Variants in RGS3 observed in about 807,000 individuals in gnomAD.
RGS3 encodes the protein regulator of G protein signaling 3, also known as regulator of G-protein signalling 3.
In RGS3, 80 loss-of-function variants were observed where a neutral mutation model predicts 132.6. That is an observed-to-expected ratio of 0.60 (90% CI 0.50 to 0.73). The LOEUF (loss-of-function observed/expected upper bound fraction) is 0.73. Ranked by LOEUF, RGS3 falls within the 30% of genes least tolerant of loss-of-function variation. The pLI, the probability that RGS3 is intolerant of heterozygous loss-of-function variation, is 0.00. For synonymous variants in RGS3, 598 were observed against 620.6 expected (o/e 0.96, Z 0.54); for missense variants, 1,382 against 1,530.8 (o/e 0.90, Z 1.62).
chr9:113,522,189 T>C (rs1264542546), intron 16 of RGS3: 1 of 152,264 alleles, frequency 6.6e-6, no homozygotes, highest in African/African-American at 2.4e-5. Flanking sequence ...ATAAAAGTGA[T>C]GTCCATGTCT....
chr9:113,528,491 C>G lies in RGS3; in HGVS notation c.1871-730C>G, dbSNP rs74871120. ...TCCTTCAGGAAGCTTTTCCCAGAAG[C>G]TGGGTGTCATCTCCTGGTCCTCCTG... On this transcript the variant is annotated intron_variant, in intron 17 of 24. Coordinates refer to ENST00000350696, the Ensembl canonical transcript of RGS3. 4.4e-3 allele frequency among the ~76,000 whole-genome samples: 677 copies of G among 152,338 alleles called. 25 individuals are homozygous for G. The East Asian group carries it at 0.084, about 19-fold the overall frequency.
chr9:113,477,897 G>C (rs1323797062), intron 3 of RGS3, among the ~76,000 whole-genome samples: 1 of 152,202 alleles, frequency 6.6e-6, no homozygotes, highest in Admixed American at 6.5e-5. Context: ...CCTGCTTTCT[G>C]ATGTCTCCAG....
At chr9:113,562,903 A>G (rs1588254803) in intron 19 of RGS3, among the ~76,000 whole-genome samples, 1 of 152,350 alleles carries the variant, frequency 6.6e-6, no homozygotes, top group Non-Finnish European at 1.5e-5. Flanking sequence ...AAGATCTCCA[A>G]GGGCCCTCTG....
At chr9:113,530,769 C>G (rs1832430939) in intron 18 of RGS3, among the ~76,000 whole-genome samples, 1 of 152,184 alleles carries the variant, frequency 6.6e-6, no homozygotes, top group South Asian at 2.1e-4. Flanking sequence ...GCCAGGTGAT[C>G]TGATCTCCAG....
chr9:113,580,832 G>T, intron 19 of RGS3: 1 of 985,718 alleles, frequency 1.0e-6, no homozygotes. Context: ...CCAAGGGGTG[G>T]GCGGGCTCTG....
In RGS3 at chr9:113,497,720, C is replaced by G. The variant is rs377416222; in HGVS notation, c.842-305C>G. 3.3e-5 allele frequency among the ~76,000 whole-genome samples: 5 copies of G among 152,286 alleles called. No homozygotes were observed. In the East Asian group the frequency reaches 9.6e-4, roughly 29 times the overall value. ...TCCCAGCTCCATGTCTCAGGGATCC[C>G]CCAGGCTGCCTTGCTCATCTTGGGA... On this transcript the variant is annotated intron_variant, in intron 9 of 24. Coordinates refer to ENST00000350696, the Ensembl canonical transcript of RGS3.
Position 113,497,422 on chromosome 9 carries a change from T to G in RGS3, c.841+18T>G. 6.2e-7 allele frequency: 1 copy of G among 1,606,270 alleles called. No individual in the cohort carries two copies. Among genetic ancestry groups the G allele is most frequent in the Non-Finnish European group, 8.5e-7 (1 of 1,175,250 alleles). On this transcript the variant is annotated intron_variant, in intron 9 of 24. Coordinates refer to ENST00000350696, the Ensembl canonical transcript of RGS3. ...GCTGAGAGGTACCTGCACACCCCCT[T>G]CAGCTTCCCTTCCCAGGACCTGCCC...
At chr9:113,533,235 T>TG (rs529182326) in intron 18 of RGS3, among the ~76,000 whole-genome samples, 116 of 149,302 alleles carry the variant, frequency 7.8e-4, no homozygotes, top group African/African-American at 2.7e-3. Context: ...AAAATTCTGT[T>TG]TTTTTTTTTT....
chr9:113,501,799 C>T (rs1432690609), intron 10 of RGS3, among the ~76,000 whole-genome samples: 1 of 152,220 alleles, frequency 6.6e-6, no homozygotes, highest in Non-Finnish European at 1.5e-5. Flanking sequence ...GGACCCAAGG[C>T]CCCTTTAGGG....
intron 4 of RGS3, among the ~76,000 whole-genome samples, chr9:113,480,942 C>T (rs914100200): frequency 1.8e-4 from 27 of 152,244 alleles, no homozygotes; most frequent in African/African-American, 6.0e-4. Context: ...TTGCCGCTGA[C>T]GGTACCCTCC....
chr9:113,596,424 A>T (rs1316662663), intron 24 of RGS3, among the ~76,000 whole-genome samples: 1 of 152,188 alleles, frequency 6.6e-6, no homozygotes, highest in African/African-American at 2.4e-5. Context: ...GCTTTGAGGA[A>T]TGTACTATTA....
intron 4 of RGS3, among the ~76,000 whole-genome samples, chr9:113,480,555 C>T (rs1406054452): frequency 6.6e-6 from 1 of 152,114 alleles, no homozygotes; most frequent in Admixed American, 6.5e-5. Context: ...GAGAAGCACC[C>T]ACCCCTGTCT....
intron 15 of RGS3, among the ~76,000 whole-genome samples, chr9:113,516,462 A>G (rs1831668811): frequency 6.6e-6 from 1 of 151,952 alleles, no homozygotes; most frequent in African/African-American, 2.4e-5. Flanking sequence ...GGTTCAAGCA[A>G]TTCTCCTGCC....
chr9:113,514,612 C>A (rs1831561265), exon 15 of RGS3: 1 of 1,614,036 alleles, frequency 6.2e-7, no homozygotes, highest in Non-Finnish European at 8.5e-7. Context: ...GCACCTACGT[C>A]ACCCTGGCCC....
At chr9:113,522,654 A>G (rs970779107) in intron 16 of RGS3, 2 of 450,164 alleles carry the variant, frequency 4.4e-6, no homozygotes, top group African/African-American at 2.0e-5. Context: ...ACCAGCTGCC[A>G]TGGAGGGTGA....
At position 113,582,840 on chromosome 9, in the gene RGS3, A is replaced by G. The variant is rs376587954; in HGVS notation, c.2038-610A>G. On this transcript the variant is annotated intron_variant, in intron 19 of 24. Transcript: ENST00000350696. ...TTCCGTGTGTCTGCGACATCTGGTG[A>G]GTCCAGGTGTGGACAATATTTTAAA... is the stretch of plus-strand genomic sequence containing the variant. 2.6e-5 allele frequency: 4 copies of G among 152,902 alleles called. 1 individual carries two copies. The East Asian group carries it at 7.7e-4, about 29-fold the overall frequency. 9.5% of individuals were successfully genotyped at this position (152,902 alleles called of 1,614,324 possible). A position where few individuals can be genotyped will look rare whatever the true frequency, so the allele number is the denominator to read the frequency against.
chr9:113,592,908 CTAATT>C (rs2119043860), intron 21 of RGS3: 1 of 152,314 alleles, frequency 6.6e-6, no homozygotes, highest in South Asian at 2.1e-4. Context: ...CATATGTAAT[CTAATT>C]TAATCTTTAC....
At chr9:113,505,236 G>A in intron 10 of RGS3, 1 of 582,024 alleles carries the variant, frequency 1.7e-6, no homozygotes, top group Admixed American at 3.0e-5. Context: ...GCTGAGCTTT[G>A]GGCCTTCCTG....
chr9:113,522,689 CT>C (rs1832011042), intron 16 of RGS3: 4 of 519,128 alleles, frequency 7.7e-6, no homozygotes, highest in Non-Finnish European at 1.0e-5. Context: ...CTTCTGTTTG[CT>C]TTTTTCCTAC....
Sources: gnomAD v4.1 joint callset for allele counts (sites outside exome capture counted in the v4.1 genomes callset) on GRCh38, gnomAD v4.1.1 for gene constraint, MANE v1.5 for transcripts, NCBI Gene and HGNC (gene_info 2026-07-23, HGNC 2026-07-21) for gene names.